Variants in ZNF532 observed in about 807,000 individuals in gnomAD.
ZNF532 encodes the protein zinc finger protein 532.
ZNF532 carries 22 observed loss-of-function variants against 89.3 expected under a neutral mutation model. The ratio of observed to expected loss-of-function variants is 0.25; its 90% CI spans 0.18 to 0.35. The LOEUF (loss-of-function observed/expected upper bound fraction) is 0.35, where lower values mean the gene tolerates loss of function less well. Among genes scored for constraint, ZNF532 ranks in the 10% least tolerant of loss-of-function variants. ZNF532 has a pLI of 1.00. For missense variants in ZNF532, 1,132 were observed against 1,643.4 expected, an observed-to-expected ratio of 0.69 and a Z score of 5.38; for synonymous variants, 606 against 649.6, an observed-to-expected ratio of 0.93 and a Z score of 1.02.
intron 3 of ZNF532, among the ~76,000 whole-genome samples, chr18:58,927,504 A>G (rs1256521043): frequency 6.6e-6 from 1 of 151,292 alleles, no homozygotes; most frequent in Non-Finnish European, 1.5e-5. Flanking sequence ...TCAGCTCCAA[A>G]TCTGGGATAT....
At position 58,986,215 on chromosome 18, in the gene ZNF532, A is replaced by G. The variant is rs577148099; in HGVS notation, c.*1749A>G. 1 of 152,772 alleles carries G rather than the reference A, an allele frequency of 6.5e-6. No homozygotes were observed. Among genetic ancestry groups the G allele is most frequent in the East Asian group, 1.9e-4 (1 of 5,188 alleles). 9.5% of individuals were successfully genotyped at this position (152,772 alleles called of 1,614,324 possible). On this transcript the variant is annotated 3_prime_UTR_variant, in exon 10 of 10. Transcript: ENST00000591808. ...GTTTGTATTGCTCTAAGTTGTATTC[A>G]TAATAGCACTTTCATATGTTTCTGC... is the stretch of plus-strand genomic sequence containing the variant.
chr18:58,925,242 G>A (rs541478941), intron 3 of ZNF532, among the ~76,000 whole-genome samples: 2 of 152,218 alleles, frequency 1.3e-5, no homozygotes, highest in Non-Finnish European at 2.9e-5. Flanking sequence ...AGCAACACAC[G>A]AGGGATCCAG....
At chr18:58,923,213 T>C (rs1253615316) in intron 3 of ZNF532, among the ~76,000 whole-genome samples, 1 of 151,936 alleles carries the variant, frequency 6.6e-6, no homozygotes, top group African/African-American at 2.4e-5. Context: ...GCGAAGGGCG[T>C]TGGTTTGTAG....
At chr18:58,872,968 G>A (rs1053381248) in intron 2 of ZNF532, among the ~76,000 whole-genome samples, 2 of 152,026 alleles carry the variant, frequency 1.3e-5, no homozygotes, top group Admixed American at 6.6e-5. Flanking sequence ...AAAGTGTTGG[G>A]ATTACAGGCG....
At chr18:58,912,540 C>T (rs1174571657) in intron 2 of ZNF532, among the ~76,000 whole-genome samples, 1 of 152,130 alleles carries the variant, frequency 6.6e-6, no homozygotes, top group African/African-American at 2.4e-5. Context: ...AGGGTCCAGG[C>T]GACTTGTTGG....
Position 58,983,107 on chromosome 18 carries a change from G to A in ZNF532, c.3412-865G>A, listed in dbSNP as rs139790332. On this transcript the variant is annotated intron_variant, in intron 9 of 9. Transcript: ENST00000591808. ...AGCCTGGGCAATAGCGCGAGACTCC[G>A]TCTTAAAAAAAAAGAAAGTGTGTGC... 1.5e-3 allele frequency among the ~76,000 whole-genome samples: 225 copies of A among 152,096 alleles called. 1 individual carries two copies. The highest frequency in any genetic ancestry group is 5.0e-3 in the African/African-American group (209 of 41,496).
intron 2 of ZNF532, among the ~76,000 whole-genome samples, chr18:58,886,852 G>C (rs1451977979): frequency 6.6e-6 from 1 of 152,208 alleles, no homozygotes; most frequent in Non-Finnish European, 1.5e-5. Flanking sequence ...TAGGGGAAGA[G>C]TAGGTTTTTT....
rs116409153 is a variant in ZNF532 at position 58,903,206 on chromosome 18, A to G, written c.-17-15065A>G. The stretch of plus-strand genomic sequence containing the variant: ...GTAGAACCTGAAGAATGAGTTCTTC[A>G]TACTTGGCTAATGGAGATAAGTGTG... On this transcript the variant is annotated intron_variant, in intron 2 of 9. Transcript: ENST00000591808. Among the ~76,000 whole-genome samples, 743 of 152,262 alleles carry G rather than the reference A, an allele frequency of 4.9e-3. 7 individuals carry two copies. Among genetic ancestry groups the G allele is most frequent in the African/African-American group, 0.016 (674 of 41,534 alleles).
chr18:58,906,381 A>C (rs1388315770), intron 2 of ZNF532, among the ~76,000 whole-genome samples: 1 of 152,090 alleles, frequency 6.6e-6, no homozygotes, highest in South Asian at 2.1e-4. Context: ...CCAGTTTTCC[A>C]TGGGCTTCTA....
At chr18:58,964,653 C>T (rs2065739786) in intron 7 of ZNF532, among the ~76,000 whole-genome samples, 1 of 150,676 alleles carries the variant, frequency 6.6e-6, no homozygotes, top group African/African-American at 2.4e-5. Flanking sequence ...GTGGCGTGAT[C>T]ATAGCTCAGT....
chr18:58,953,416 A>C, intron 6 of ZNF532, 102 bp from the exon 7 acceptor site: 1 of 944,476 alleles, frequency 1.1e-6, no homozygotes, highest in Non-Finnish European at 1.6e-6. Context: ...GAATGAATAT[A>C]AACTGGTGTT....
chr18:58,974,204 G>A (rs1027669896), intron 7 of ZNF532, among the ~76,000 whole-genome samples: 1 of 152,132 alleles, frequency 6.6e-6, no homozygotes, highest in African/African-American at 2.4e-5. Context: ...AAGGAATATA[G>A]TGAAGTCTTA....
chr18:58,937,217 C>T (rs573973150), intron 4 of ZNF532, among the ~76,000 whole-genome samples: 5 of 152,138 alleles, frequency 3.3e-5, no homozygotes, highest in South Asian at 4.2e-4. Flanking sequence ...CAGGATATTA[C>T]GTATTTCTTA....
At chr18:58,872,469 T>C (rs956050090) in intron 2 of ZNF532, among the ~76,000 whole-genome samples, 2 of 152,232 alleles carry the variant, frequency 1.3e-5, no homozygotes, top group African/African-American at 4.8e-5. Flanking sequence ...AAGAATTAGA[T>C]AGTTGAAAAA....
At chr18:58,938,650 C>CCACAT in intron 4 of ZNF532, among the ~76,000 whole-genome samples, 1 of 152,184 alleles carries the variant, frequency 6.6e-6, no homozygotes, top group Non-Finnish European at 1.5e-5. Context: ...CATACATTGA[C>CCACAT]CACATCAGTG....
At chr18:58,933,500 TTG>T (rs1202429771) in intron 3 of ZNF532, among the ~76,000 whole-genome samples, 1 of 152,234 alleles carries the variant, frequency 6.6e-6, no homozygotes, top group Non-Finnish European at 1.5e-5. Flanking sequence ...TTAATACAAA[TTG>T]TACATTTTAG....
intron 3 of ZNF532, among the ~76,000 whole-genome samples, chr18:58,925,221 A>G (rs933315429): frequency 2.0e-5 from 3 of 152,152 alleles, no homozygotes; most frequent in East Asian, 1.9e-4. Context: ...GTATCATTCT[A>G]TATTCCCAGG....
At chr18:58,876,185 CG>C (rs2057414675) in intron 2 of ZNF532, among the ~76,000 whole-genome samples, 2 of 152,100 alleles carry the variant, frequency 1.3e-5, no homozygotes, top group South Asian at 4.1e-4. Flanking sequence ...CCGCCTGCCT[CG>C]GCCTCCCAAA....
intron 7 of ZNF532, among the ~76,000 whole-genome samples, chr18:58,977,967 A>T (rs1055900849): frequency 6.6e-6 from 1 of 152,214 alleles, no homozygotes; most frequent in African/African-American, 2.4e-5. Flanking sequence ...ATTTTGTTCC[A>T]TTCATGAGGC....
Sources: gnomAD v4.1 joint callset for allele counts (sites outside exome capture counted in the v4.1 genomes callset) on GRCh38, gnomAD v4.1.1 for gene constraint, MANE v1.5 for transcripts, NCBI Gene and HGNC (gene_info 2026-07-23, HGNC 2026-07-21) for gene names.